ZNF827: variants seen among roughly 807,000 people sequenced by gnomAD.
ZNF827 encodes zinc finger protein 827.
ZNF827 carries 13 observed loss-of-function variants against 102.4 expected under a neutral mutation model. That is an observed-to-expected ratio of 0.13 (90% CI 0.08 to 0.20). The LOEUF is 0.20. ZNF827 is among the 10% of genes least tolerant of loss of function. ZNF827 has a pLI of 1.00. For missense variants in ZNF827, 1,103 were observed against 1,344.4 expected, an observed-to-expected ratio of 0.82 and a Z score of 2.81; for synonymous variants, 523 against 536.2, an observed-to-expected ratio of 0.98 and a Z score of 0.34.
intron 2 of ZNF827, among the ~76,000 whole-genome samples, chr4:145,901,951 T>C (rs1410563142): frequency 6.6e-6 from 1 of 152,242 alleles, no homozygotes; most frequent in African/African-American, 2.4e-5. Flanking sequence ...AGATTATTCA[T>C]TACCTTTCAA....
At chr4:145,846,178 C>T (rs775719995) in intron 6 of ZNF827, among the ~76,000 whole-genome samples, 165 bp from the exon 7 acceptor site, 1 of 152,176 alleles carries the variant, frequency 6.6e-6, no homozygotes, top group Non-Finnish European at 1.5e-5. Context: ...CTGGAAAAGA[C>T]AATCATCCAA....
intron 10 of ZNF827, 83 bp from the exon 11 acceptor site, chr4:145,774,755 T>C (rs1028124593): frequency 2.1e-6 from 3 of 1,426,212 alleles, no homozygotes; most frequent in Non-Finnish European, 2.9e-6. Flanking sequence ...TTATACACAG[T>C]ACACTCAAGA....
chr4:145,900,110 C>A (rs994245825), intron 2 of ZNF827, among the ~76,000 whole-genome samples: 1 of 152,198 alleles, frequency 6.6e-6, no homozygotes, highest in Non-Finnish European at 1.5e-5. Context: ...TCACTGGAAG[C>A]TCATGACCTC....
At chr4:145,787,605 T>A (rs1739074127) in intron 8 of ZNF827, among the ~76,000 whole-genome samples, 1 of 152,124 alleles carries the variant, frequency 6.6e-6, no homozygotes, top group Admixed American at 6.5e-5. Context: ...CTTAACAAAC[T>A]TAGTAAAGTA....
intron 9 of ZNF827, among the ~76,000 whole-genome samples, chr4:145,778,475 G>A (rs572326151): frequency 1.5e-3 from 232 of 152,172 alleles, no homozygotes; most frequent in African/African-American, 5.4e-3. Flanking sequence ...TGGGCATAGT[G>A]GCAGCGTGCA....
At position 145,758,003 on chromosome 4, in the gene ZNF827, T is replaced by G. The variant is rs1734081699; in HGVS notation, c.*3613A>C. ...GTTAGTGTTTTATACGGAAAGGATA[T>G]CTATGGAATACATCCTTCCCTGAGT... is the stretch of plus-strand genomic sequence containing the variant. On this transcript the variant is annotated 3_prime_UTR_variant, in exon 15 of 15. Transcript: ENST00000508784. 1 of 152,172 alleles carries G rather than the reference T, an allele frequency of 6.6e-6. No homozygotes were observed. Among genetic ancestry groups the G allele is most frequent in the South Asian group, 2.1e-4 (1 of 4,834 alleles). 9.4% of individuals were successfully genotyped at this position (152,172 alleles called of 1,614,324 possible).
rs547111903 is a variant in ZNF827, at chr4:145,850,687, T to G, written c.1982-1126A>C. ...GAAAATAACTTGGGTCGCTATAAAA[T>G]AAGGCCACACTTTCAAATTAATAAT... On this transcript the variant is annotated intron_variant, in intron 5 of 14. Transcript: ENST00000508784. Among the ~76,000 whole-genome samples the G allele has an allele frequency of 9.2e-5, 14 of 152,260 alleles. No individual in the cohort carries two copies. In the South Asian group the frequency reaches 2.9e-3, roughly 32 times the overall value.
intron 8 of ZNF827, among the ~76,000 whole-genome samples, chr4:145,811,562 T>G (rs1742011781): frequency 6.6e-6 from 1 of 152,226 alleles, no homozygotes; most frequent in African/African-American, 2.4e-5. Context: ...TGTTTCTCTC[T>G]TCATGTGCAA....
intron 8 of ZNF827, among the ~76,000 whole-genome samples, chr4:145,780,880 G>A (rs186861500): frequency 1.3e-5 from 2 of 152,340 alleles, no homozygotes; most frequent in East Asian, 3.9e-4. Context: ...ATGGTGGTAA[G>A]AACTTCTCCT....
chr4:145,822,931 G>A (rs1196527916), intron 8 of ZNF827, among the ~76,000 whole-genome samples: 1 of 152,192 alleles, frequency 6.6e-6, no homozygotes, highest in Non-Finnish European at 1.5e-5. Context: ...TAGATACTAT[G>A]GCCAAGAAGA....
chr4:145,870,142 G>C, intron 5 of ZNF827, 103 bp downstream of exon 5: 1 of 1,049,148 alleles, frequency 9.5e-7, no homozygotes, highest in Non-Finnish European at 1.4e-6. Context: ...GCAATAATGC[G>C]ATATTGCTGC....
chr4:145,861,013 C>T (rs1033637418), intron 5 of ZNF827, among the ~76,000 whole-genome samples: 1 of 152,218 alleles, frequency 6.6e-6, no homozygotes, highest in African/African-American at 2.4e-5. Context: ...CCCCACCACG[C>T]AGTAGAGCCC....
At chr4:145,783,426 T>C (rs2127005747) in intron 8 of ZNF827, among the ~76,000 whole-genome samples, 1 of 152,384 alleles carries the variant, frequency 6.6e-6, no homozygotes, top group African/African-American at 2.4e-5. Context: ...CACTAACTGC[T>C]TTCATGATTC....
At chr4:145,838,724 TCA>T (rs556663970) in intron 7 of ZNF827, among the ~76,000 whole-genome samples, 192 of 152,252 alleles carry the variant, frequency 1.3e-3, no homozygotes, top group African/African-American at 4.5e-3. Flanking sequence ...GTAGTAGGAC[TCA>T]GTTATAAATG....
At chr4:145,890,368 A>C (rs1750496158) in intron 3 of ZNF827, among the ~76,000 whole-genome samples, 1 of 151,966 alleles carries the variant, frequency 6.6e-6, no homozygotes. Context: ...GCATTCTAAG[A>C]CCCCACGACC....
At chr4:145,858,606 C>T (rs1579396595) in intron 5 of ZNF827, among the ~76,000 whole-genome samples, 1 of 146,332 alleles carries the variant, frequency 6.8e-6, no homozygotes, top group Non-Finnish European at 1.5e-5. Flanking sequence ...TGTGCCACTA[C>T]ACTCCAGCCT....
chr4:145,890,704 G>A (rs904131952), intron 3 of ZNF827, among the ~76,000 whole-genome samples: 4 of 152,122 alleles, frequency 2.6e-5, no homozygotes, highest in African/African-American at 7.2e-5. Context: ...TCCTGCTAAC[G>A]AAATTCAACT....
chr4:145,852,625 C>T (rs1389219252), intron 5 of ZNF827, among the ~76,000 whole-genome samples: 1 of 152,092 alleles, frequency 6.6e-6, no homozygotes, highest in East Asian at 1.9e-4. Context: ...ATTTCTCAAC[C>T]TCGGTACTAC....
At chr4:145,846,397 G>A (rs1560991800) in intron 6 of ZNF827, among the ~76,000 whole-genome samples, 1 of 152,002 alleles carries the variant, frequency 6.6e-6, no homozygotes, top group Non-Finnish European at 1.5e-5. Flanking sequence ...AGAATGGCGT[G>A]AACCCGGGAG....
Sources: allele counts gnomAD v4.1 joint callset (sites outside exome capture counted in the v4.1 genomes callset), GRCh38; gene constraint gnomAD v4.1.1; transcripts MANE v1.5; gene names NCBI Gene and HGNC (gene_info 2026-07-23, HGNC 2026-07-21).